Variants in PRR5L observed in about 807,000 individuals in gnomAD.
PRR5L encodes proline rich 5 like, also known as proline-rich protein 5-like.
Under a neutral mutation model 36.4 loss-of-function variants are expected in PRR5L, and 21 were observed. The ratio of observed to expected loss-of-function variants is 0.58; its 90% CI spans 0.41 to 0.83. PRR5L has a LOEUF of 0.83. PRR5L is among the 40% of genes least tolerant of loss of function. The pLI is 0.00. For synonymous variants in PRR5L, 188 were observed against 197.0 expected, an observed-to-expected ratio of 0.95 and a Z score of 0.38; for missense variants, 381 against 473.3, an observed-to-expected ratio of 0.80 and a Z score of 1.81.
At chr11:36,416,505 G>A (rs1341261423) in intron 3 of PRR5L, among the ~76,000 whole-genome samples, 1 of 152,108 alleles carries the variant, frequency 6.6e-6, no homozygotes, top group Admixed American at 6.5e-5. Context: ...GTAAAGAAAT[G>A]GTTATCACTA....
intron 1 of PRR5L, among the ~76,000 whole-genome samples, chr11:36,332,121 C>T (rs12363040): frequency 0.14 from 21,107 of 151,910 alleles, 1,599 homozygotes; most frequent in African/African-American, 0.2. Context: ...AATTTTTATC[C>T]CCCCTGGATT....
At chr11:36,419,214 A>T in intron 3 of PRR5L, 41 bp from the exon 4 acceptor site, 1 of 1,601,420 alleles carries the variant, frequency 6.2e-7, no homozygotes, top group Non-Finnish European at 8.6e-7. Context: ...CTGTACCATC[A>T]AGGGCTGCTT....
chr11:36,464,550 G>A lies in PRR5L; in HGVS notation c.*1814G>A, dbSNP rs757158687. On this transcript the variant is annotated 3_prime_UTR_variant, in exon 9 of 9. Transcript: ENST00000530639. ...ACAAAAAAATAATCTCTATGTATGT[G>A]TTGGATAAAGTCTACAGACTGACTA... The A allele has an allele frequency of 2.0e-5, 3 of 152,222 alleles. No individual in the cohort carries two copies. Among genetic ancestry groups the A allele is most frequent in the Non-Finnish European group, 4.4e-5 (3 of 68,046 alleles). 9.4% of individuals were successfully genotyped at this position (152,222 alleles called of 1,614,324 possible).
At chr11:36,327,700 T>A (rs1338817085) in intron 1 of PRR5L, among the ~76,000 whole-genome samples, 5 of 152,196 alleles carry the variant, frequency 3.3e-5, no homozygotes, top group African/African-American at 1.2e-4. Context: ...TTCTACATAA[T>A]AAGAACCTTA....
intron 3 of PRR5L, among the ~76,000 whole-genome samples, chr11:36,405,213 A>G (rs11033592): frequency 0.23 from 34,841 of 152,090 alleles, 5,666 homozygotes; most frequent in African/African-American, 0.47. Context: ...GCTGGCGTGG[A>G]TGCCTGGCAG....
intron 1 of PRR5L, among the ~76,000 whole-genome samples, chr11:36,301,233 CA>C (rs903721914): frequency 4.9e-4 from 75 of 152,094 alleles, no homozygotes; most frequent in African/African-American, 1.8e-3. Flanking sequence ...GAGGAGCTTC[CA>C]AATTGGAACT....
intron 1 of PRR5L, among the ~76,000 whole-genome samples, chr11:36,375,630 G>T (rs1857246594): frequency 1.3e-5 from 2 of 152,174 alleles, no homozygotes; most frequent in African/African-American, 4.8e-5. Context: ...AATGATGCAG[G>T]TAGTGAGTCC....
At chr11:36,457,613 AAAAAAACAAAAC>A (rs1435885470) in intron 8 of PRR5L, among the ~76,000 whole-genome samples, 1 of 152,046 alleles carries the variant, frequency 6.6e-6, no homozygotes, top group Non-Finnish European at 1.5e-5. Context: ...CTCAAAAAAA[AAAAAAACAAAAC>A]AAAAAACAAA....
At chr11:36,366,479 G>A (rs912978621) in intron 1 of PRR5L, among the ~76,000 whole-genome samples, 4 of 152,084 alleles carry the variant, frequency 2.6e-5, no homozygotes, top group African/African-American at 9.7e-5. Flanking sequence ...AGAGTATAAT[G>A]TAAATTCTAT....
chr11:36,433,157 C>T (rs1269970317), intron 5 of PRR5L, among the ~76,000 whole-genome samples: 1 of 152,156 alleles, frequency 6.6e-6, no homozygotes, highest in East Asian at 1.9e-4. Context: ...CAGTACTTTA[C>T]AGTTCAGTAG....
intron 3 of PRR5L, among the ~76,000 whole-genome samples, chr11:36,404,567 C>G (rs1857871277): frequency 1.3e-5 from 2 of 152,072 alleles, no homozygotes; most frequent in Admixed American, 6.6e-5. Flanking sequence ...TGCCTGGCCT[C>G]CATCAGGTCT....
intron 1 of PRR5L, among the ~76,000 whole-genome samples, chr11:36,355,501 T>C (rs1184023283): frequency 6.6e-6 from 1 of 152,000 alleles, no homozygotes; most frequent in Non-Finnish European, 1.5e-5. Context: ...CAAGCAAGAT[T>C]TGAACCAGGT....
intron 1 of PRR5L, among the ~76,000 whole-genome samples, chr11:36,315,585 T>A (rs1856547198): frequency 1.3e-5 from 2 of 152,236 alleles, no homozygotes; most frequent in South Asian, 4.1e-4. Flanking sequence ...TTTCCTTTCA[T>A]CAGTGACACA....
chr11:36,396,059 G>A (rs753961911), intron 1 of PRR5L: 12 of 152,050 alleles, frequency 7.9e-5, no homozygotes, highest in East Asian at 1.9e-4. Context: ...GTATGTTTGC[G>A]TGTGTATAAA....
intron 2 of PRR5L, among the ~76,000 whole-genome samples, chr11:36,403,097 C>CG (rs1338119420): frequency 1.3e-5 from 2 of 152,204 alleles, no homozygotes; most frequent in African/African-American, 4.8e-5. Flanking sequence ...TGCAAGAAAG[C>CG]GGGGGCTGCT....
chr11:36,366,413 TGAGA>T (rs71465991), intron 1 of PRR5L, among the ~76,000 whole-genome samples: 38,062 of 149,074 alleles, frequency 0.26, 5,161 homozygotes, highest in Non-Finnish European at 0.31. Flanking sequence ...TGTGTGTGTG[TGAGA>T]GAGAGAGAGA....
intron 1 of PRR5L, among the ~76,000 whole-genome samples, chr11:36,385,821 C>G (rs1857447589): frequency 6.6e-6 from 1 of 152,220 alleles, no homozygotes; most frequent in African/African-American, 2.4e-5. Flanking sequence ...TCTGTAGGCT[C>G]CACTGACCAG....
At chr11:36,335,487 G>A (rs1900337) in intron 1 of PRR5L, among the ~76,000 whole-genome samples, 88,836 of 151,846 alleles carry the variant, frequency 0.59, 26,961 homozygotes, top group East Asian at 0.88. Flanking sequence ...ACAGTTCATT[G>A]ATGCCTGTTT....
At chr11:36,395,930 A>G (rs1461080516) in intron 1 of PRR5L, among the ~76,000 whole-genome samples, 2 of 152,086 alleles carry the variant, frequency 1.3e-5, no homozygotes, top group Non-Finnish European at 1.5e-5. Context: ...GGGTCTCACT[A>G]CATTTCCCAG....
Sources: allele counts gnomAD v4.1 joint callset (sites outside exome capture counted in the v4.1 genomes callset), GRCh38; gene constraint gnomAD v4.1.1; transcripts MANE v1.5; gene names NCBI Gene and HGNC (gene_info 2026-07-23, HGNC 2026-07-21).